The following HSF1 variants were observed in gnomAD, a reference collection of about 807,000 sequenced individuals.
The protein encoded by HSF1 is heat shock factor protein 1.
Under a neutral mutation model 51.7 loss-of-function variants are expected in HSF1, and 32 were observed. That is an observed-to-expected ratio of 0.62 (90% CI 0.47 to 0.83). The LOEUF (loss-of-function observed/expected upper bound fraction) is 0.83, where lower values mean the gene tolerates loss of function less well. HSF1 is among the 40% of genes least tolerant of loss of function. HSF1 has a pLI of 0.00. For synonymous variants in HSF1, 396 were observed against 309.7 expected (o/e 1.28, Z -2.92); for missense variants, 727 against 717.0 (o/e 1.01, Z -0.16).
Position 144,312,183 on chromosome 8 carries a change from C to T in HSF1, c.1081C>T (p.Pro361Ser). The stretch of plus-strand genomic sequence containing the variant: ...GGGCCACACGGACACCGAGGGCCGG[C>T]CTCCCTCCCCCCCGCCCACCTCCAC... Reference protein sequence around the residue: ...ARGHTDTEGRPPSPPPTSTPE... With the variant: ...ARGHTDTEGRSPSPPPTSTPE... The change falls in exon 9 of 13, where the codon CCT becomes TCT. Residue 361 changes from proline (P) to serine (S), a missense_variant. Physicochemically the swap from Pro to Ser is moderately conservative, Grantham distance 74. Transcript: ENST00000528838. 6.3e-7 allele frequency: 1 copy of T among 1,595,322 alleles called. No homozygotes were observed. The highest frequency in any genetic ancestry group is 1.1e-5 in the South Asian group (1 of 90,608).
intron 1 of HSF1, chr8:144,293,540 A>C (rs148005304): frequency 5.9e-5 from 9 of 151,488 alleles, no homozygotes; most frequent in African/African-American, 2.2e-4. Flanking sequence ...TCCCGGGTTC[A>C]AGCAATTCTG....
In HSF1 at chr8:144,310,987, G is replaced by T. The variant is rs1217813198; in HGVS notation, c.489-187G>T. The T allele has an allele frequency of 1.1e-5, 7 of 613,398 alleles. No homozygotes were observed. In the African/African-American group the frequency reaches 1.3e-4, roughly 11 times the overall value. The allele number at this position is 613,398 out of a possible 1,614,324, so 38.0% of individuals were successfully genotyped here. On this transcript the variant is annotated intron_variant, in intron 4 of 12. Transcript: ENST00000528838. Reference sequence around the variant, plus strand: ...GTGTCCCCGGCAGGGAGGGGCAGTGGGACCAGCAAGCCCTGGCCCTGGCCC... The same window carrying T: ...GTGTCCCCGGCAGGGAGGGGCAGTGTGACCAGCAAGCCCTGGCCCTGGCCC...
At chr8:144,292,983 C>T (rs1554840660) in intron 1 of HSF1, among the ~76,000 whole-genome samples, 3 of 151,938 alleles carry the variant, frequency 2.0e-5, no homozygotes, top group Non-Finnish European at 4.4e-5. Flanking sequence ...AGAAAGGCCA[C>T]TGATCATTGG....
At chr8:144,313,281 G>A (rs1362374654) in intron 9 of HSF1, 1 of 531,816 alleles carries the variant, frequency 1.9e-6, no homozygotes, top group Non-Finnish European at 3.4e-6. Context: ...AGGCCCCCAG[G>A]CCCTCATGGC....
chr8:144,313,788 G>GCCTCCCCGCGCCTCCT (rs1477629062), intron 10 of HSF1, 58 bp from the exon 11 acceptor site: 1 of 2,664 alleles, frequency 3.8e-4, no homozygotes, highest in Non-Finnish European at 6.7e-4. Flanking sequence ...CCGCCTCCCC[G>GCCTCCCCGCGCCTCCT]CCCCGCCTCC....
At chr8:144,311,676 T>A (rs2130444317) in intron 7 of HSF1, 24 bp from the exon 8 acceptor site, 1 of 1,610,104 alleles carries the variant, frequency 6.2e-7, no homozygotes, top group Non-Finnish European at 8.5e-7. Flanking sequence ...CGGCACTGCA[T>A]GGACCTCCTG....
At position 144,311,759 on chromosome 8, in the gene HSF1, T is replaced by C; in HGVS notation, c.783T>C (p.Ser261=). The change falls in exon 8 of 13, where the codon TCT becomes TCC. Residue 261 remains serine, a synonymous_variant. Coordinates refer to ENST00000528838, the MANE Select transcript of HSF1 (RefSeq NM_005526.4). The part of the protein sequence containing the change: ...SLYAPDAVAS[S]GPIISDITEL... ...ACGCCCCTGATGCTGTGGCCAGCTC[T>C]GGACCCATCATCTCCGACATCACCG... 6.2e-7 allele frequency: 1 copy of C among 1,612,932 alleles called. No homozygotes were observed.
intron 1 of HSF1, among the ~76,000 whole-genome samples, chr8:144,305,260 TGTG>T (rs1246166612): frequency 1.3e-5 from 2 of 152,100 alleles, no homozygotes; most frequent in African/African-American, 2.4e-5. Flanking sequence ...TTACACTTTT[TGTG>T]GTGTCTCACA....
At chr8:144,311,420 C>T (rs1816647741) in intron 6 of HSF1, 38 bp downstream of exon 6, 1 of 1,612,712 alleles carries the variant, frequency 6.2e-7, no homozygotes, top group Non-Finnish European at 8.5e-7. Flanking sequence ...CCACCCGGGG[C>T]CCAGGGCTGT....
At chr8:144,296,527 G>A (rs1319460943) in intron 1 of HSF1, among the ~76,000 whole-genome samples, 3 of 152,152 alleles carry the variant, frequency 2.0e-5, no homozygotes, top group Non-Finnish European at 2.9e-5. Flanking sequence ...GGCTGGTCGT[G>A]GTGGCTCACG....
intron 1 of HSF1, among the ~76,000 whole-genome samples, chr8:144,303,653 G>C (rs1554842772): frequency 6.6e-6 from 1 of 152,164 alleles, no homozygotes; most frequent in Admixed American, 6.5e-5. Context: ...CAAGGTGGGT[G>C]GATCACTTAT....
At position 144,311,974 on chromosome 8, in the gene HSF1, G is replaced by C; in HGVS notation, c.872G>C (p.Ser291Thr). ...GGSIDERPLS[S>T]SPLVRVKEEP... The stretch of plus-strand genomic sequence containing the variant: ...CCCCTCGTGTGCAGGCCCCTATCCA[G>C]CAGCCCCCTGGTGCGTGTCAAGGAG... The change falls in exon 9 of 13, where the codon AGC becomes ACC. Residue 291 changes from serine (S) to threonine (T), a missense_variant. By Grantham distance (58) the Ser-to-Thr change is moderately conservative. Coordinates refer to ENST00000528838, the MANE Select transcript of HSF1 (RefSeq NM_005526.4). 1 of 1,587,740 alleles carries C rather than the reference G, an allele frequency of 6.3e-7. No individual in the cohort carries two copies. The highest frequency in any genetic ancestry group is 8.6e-7 in the Non-Finnish European group (1 of 1,168,186).
Position 144,291,931 on chromosome 8 carries a change from G to A in HSF1, c.117+57G>A. ...GGGACCGGGAGGGAGCAGGGCCGCG[G>A]CGGACGGCGCGGGAGGGCTGCGGGG... On this transcript the variant is annotated intron_variant, in intron 1 of 12. Transcript: ENST00000528838. The surrounding 1 kb of genome is among the most constrained non-coding windows in gnomAD (Gnocchi z 4.1). The A allele has an allele frequency of 1.0e-6, 1 of 960,702 alleles. No homozygotes were observed. The highest frequency in any genetic ancestry group is 2.1e-5 in the South Asian group (1 of 46,540). The allele number at this position is 960,702 out of a possible 1,614,324, so 59.5% of individuals were successfully genotyped here.
chr8:144,307,156 G>C (rs532248550), intron 1 of HSF1, among the ~76,000 whole-genome samples: 1 of 152,230 alleles, frequency 6.6e-6, no homozygotes, highest in Non-Finnish European at 1.5e-5. Context: ...CTTCTCCCCA[G>C]CTGCCAGGCA....
At position 144,311,717 on chromosome 8, in the gene HSF1, C is replaced by T. The variant is rs1554844617; in HGVS notation, c.741C>T (p.Tyr247=). ...GATTGCAGGCCCCCTCCCCAGCCTACAGCAGCTCCAGCCTCTACGCCCCTG... is the reference window on the plus strand; with the variant it reads ...GATTGCAGGCCCCCTCCCCAGCCTATAGCAGCTCCAGCCTCTACGCCCCTG... ...SGPYSAPSPA[Y]SSSSLYAPDA... Residue 247 remains tyrosine, a synonymous_variant, in exon 8 of 13, where the codon TAC becomes TAT. Coordinates refer to ENST00000528838, the MANE Select transcript of HSF1 (RefSeq NM_005526.4). 6.2e-7 allele frequency: 1 copy of T among 1,611,658 alleles called. No individual in the cohort carries two copies. Among genetic ancestry groups the T allele is most frequent in the Admixed American group, 1.7e-5 (1 of 59,858 alleles).
intron 1 of HSF1, 128 bp from the exon 2 acceptor site, chr8:144,308,778 A>G (rs1554843707): frequency 2.6e-6 from 2 of 757,164 alleles, no homozygotes; most frequent in South Asian, 1.5e-5. Context: ...TGGGCCTCCC[A>G]TGGCCCCAGC....
At chr8:144,296,806 C>CA (rs72033767) in intron 1 of HSF1, among the ~76,000 whole-genome samples, 3,568 of 135,106 alleles carry the variant, frequency 0.026, 145 homozygotes, top group African/African-American at 0.091. Flanking sequence ...GACTCCATCT[C>CA]AAAAAAAAAA....
chr8:144,307,674 G>A (rs960795598), intron 1 of HSF1, among the ~76,000 whole-genome samples: 13 of 152,098 alleles, frequency 8.5e-5, no homozygotes, highest in Admixed American at 3.3e-4. Context: ...GCTGAGGCAC[G>A]AGAATCGCTT....
intron 9 of HSF1, chr8:144,313,003 T>G (rs1816792336): frequency 1.9e-6 from 1 of 513,700 alleles, no homozygotes; most frequent in African/African-American, 1.9e-5. Context: ...AGGCAGGGTC[T>G]CCAGGGCACC....
Sources: allele counts gnomAD v4.1 joint callset (sites outside exome capture counted in the v4.1 genomes callset), GRCh38; gene constraint gnomAD v4.1.1; non-coding constraint Gnocchi (gnomAD v3.1); transcripts MANE v1.5; gene names NCBI Gene and HGNC (gene_info 2026-07-23, HGNC 2026-07-21).